Variants in NELL1 observed in about 807,000 individuals in gnomAD.
NELL1 encodes neural EGFL like 1, also known as protein kinase C-binding protein NELL1.
NELL1 carries 76 observed loss-of-function variants against 107.4 expected under a neutral mutation model. That is an observed-to-expected ratio of 0.71 (90% CI 0.59 to 0.86). The LOEUF is 0.86. Ranked by LOEUF, NELL1 falls within the 40% of genes least tolerant of loss-of-function variation. The probability of loss-of-function intolerance (pLI) is 0.00; values close to 1 mark genes in which losing one functional copy is unlikely to be tolerated. For missense variants in NELL1, 1,024 were observed against 1,005.5 expected (o/e 1.02, Z -0.25); for synonymous variants, 353 against 341.2 (o/e 1.03, Z -0.38).
intron 14 of NELL1, among the ~76,000 whole-genome samples, chr11:21,360,368 C>CA (rs1163141872): frequency 6.6e-6 from 1 of 152,044 alleles, no homozygotes; most frequent in Non-Finnish European, 1.5e-5. Context: ...GATATAATTT[C>CA]AATTTTTAAA....
chr11:21,489,929 G>C (rs1041715378), intron 15 of NELL1, among the ~76,000 whole-genome samples: 1 of 151,848 alleles, frequency 6.6e-6, no homozygotes, highest in Non-Finnish European at 1.5e-5. Context: ...ATTTATCATA[G>C]TACTGGGAGC....
At chr11:21,018,772 C>A (rs775654694) in intron 12 of NELL1, among the ~76,000 whole-genome samples, 1 of 152,044 alleles carries the variant, frequency 6.6e-6, no homozygotes, top group Non-Finnish European at 1.5e-5. Flanking sequence ...AAATTTTTAG[C>A]GAGTGGGTTT....
intron 2 of NELL1, among the ~76,000 whole-genome samples, chr11:20,682,107 G>A (rs1026070452): frequency 1.3e-5 from 2 of 151,688 alleles, no homozygotes; most frequent in Non-Finnish European, 2.9e-5. Context: ...ATATCTTTTG[G>A]GGCCCATTAT....
intron 14 of NELL1, among the ~76,000 whole-genome samples, chr11:21,348,472 G>A (rs1220493436): frequency 6.6e-6 from 1 of 152,112 alleles, no homozygotes; most frequent in Non-Finnish European, 1.5e-5. Context: ...TTAATAAAAT[G>A]TGTCTGGTGC....
intron 14 of NELL1, 105 bp downstream of exon 14, chr11:21,229,559 G>C: frequency 6.9e-7 from 1 of 1,449,866 alleles, no homozygotes; most frequent in Non-Finnish European, 9.5e-7. Flanking sequence ...ACACAGCCAG[G>C]GTTCCTGCTC....
At chr11:21,491,412 A>G (rs1854807267) in intron 15 of NELL1, among the ~76,000 whole-genome samples, 2 of 152,312 alleles carry the variant, frequency 1.3e-5, no homozygotes, top group South Asian at 2.1e-4. Context: ...AGCTCTCTAC[A>G]TATGGCTAGC....
intron 12 of NELL1, among the ~76,000 whole-genome samples, chr11:21,098,059 A>G (rs1197962388): frequency 6.6e-6 from 1 of 151,318 alleles, no homozygotes; most frequent in East Asian, 1.9e-4. Context: ...TGAAGTTTAC[A>G]CTCTAAAGAC....
At chr11:21,101,676 T>C (rs1854819592) in intron 12 of NELL1, among the ~76,000 whole-genome samples, 1 of 152,200 alleles carries the variant, frequency 6.6e-6, no homozygotes, top group East Asian at 1.9e-4. Context: ...GCCCACTTTT[T>C]GATGGGGTTG....
At chr11:21,147,375 T>A (rs886729914) in intron 13 of NELL1, among the ~76,000 whole-genome samples, 23 of 152,244 alleles carry the variant, frequency 1.5e-4, no homozygotes, top group African/African-American at 5.5e-4. Flanking sequence ...TACGAATAAA[T>A]ACTTCTGGGA....
At chr11:21,062,030 G>T (rs1853754608) in intron 12 of NELL1, among the ~76,000 whole-genome samples, 1 of 152,086 alleles carries the variant, frequency 6.6e-6, no homozygotes, top group South Asian at 2.1e-4. Flanking sequence ...CAACTGGTTG[G>T]TCTATTTTTC....
At chr11:21,274,271 G>T (rs540510775) in intron 14 of NELL1, among the ~76,000 whole-genome samples, 1 of 152,270 alleles carries the variant, frequency 6.6e-6, no homozygotes, top group East Asian at 1.9e-4. Flanking sequence ...TGATAAAACA[G>T]ACTTTAAACC....
chr11:21,075,715 G>C (rs1315658820), intron 12 of NELL1, among the ~76,000 whole-genome samples: 1 of 152,182 alleles, frequency 6.6e-6, no homozygotes, highest in African/African-American at 2.4e-5. Context: ...TTACAGGCGT[G>C]AGCCACCAGA....
intron 9 of NELL1, among the ~76,000 whole-genome samples, chr11:20,932,658 C>T (rs1850642711): frequency 1.3e-5 from 2 of 152,048 alleles, no homozygotes; most frequent in Non-Finnish European, 2.9e-5. Flanking sequence ...CGCTATTATC[C>T]CCATTTTACA....
rs140758952 is a variant in NELL1 at position 21,249,634 on chromosome 11, C to T, written c.1549+20180C>T. Among the ~76,000 whole-genome samples the T allele has an allele frequency of 1.1e-4, 16 of 152,186 alleles. No individual in the cohort carries two copies. In the East Asian group the frequency reaches 2.9e-3, roughly 28 times the overall value. On this transcript the variant is annotated intron_variant, in intron 14 of 19. Coordinates refer to ENST00000357134, the MANE Select transcript of NELL1 (RefSeq NM_006157.5). Reference sequence around the variant, plus strand: ...CAATATACTTAGTTTCCTTTATCTACGAAATGGTGCAATTCCAATTCAAAA... The same window carrying T: ...CAATATACTTAGTTTCCTTTATCTATGAAATGGTGCAATTCCAATTCAAAA...
chr11:20,973,085 A>G lies in NELL1; in HGVS notation c.1300+12525A>G, dbSNP rs185087532. Among the ~76,000 whole-genome samples the G allele has an allele frequency of 4.6e-5, 7 of 151,574 alleles. No homozygotes were observed. In the East Asian group the frequency reaches 1.4e-3, roughly 29 times the overall value. On this transcript the variant is annotated intron_variant, in intron 12 of 19. Transcript: ENST00000357134. ...TCAAACCTTATTAGAGTGCCTATCA[A>G]ACAGGATCTTCATTACTTTTTTTTT...
intron 12 of NELL1, among the ~76,000 whole-genome samples, chr11:20,998,419 TGAAGTTTCTTTTGCTAA>T (rs1852139025): frequency 2.6e-5 from 4 of 152,238 alleles, no homozygotes. Flanking sequence ...TTACCCCTTC[TGAAGTTTCTTTTGCTAA>T]GATATATTTT....
In NELL1 at chr11:21,487,690, G is replaced by T. The variant is rs78288708; in HGVS notation, c.1646-46684G>T. On this transcript the variant is annotated intron_variant, in intron 15 of 19. Transcript: ENST00000357134. ...ACCCTGACAGATCATTAATAACCTC[G>T]AATTTAAATGGATTAAATTCTGCAC... Among the ~76,000 whole-genome samples the T allele has an allele frequency of 1.2e-3, 182 of 152,094 alleles. 7 individuals are homozygous for T. The East Asian group carries it at 0.033, about 28-fold the overall frequency.
intron 15 of NELL1, among the ~76,000 whole-genome samples, chr11:21,405,229 C>G (rs1852206933): frequency 6.6e-6 from 1 of 151,962 alleles, no homozygotes; most frequent in South Asian, 2.1e-4. Flanking sequence ...TTCATTCTTT[C>G]CTCTTAGCTT....
intron 18 of NELL1, 113 bp downstream of exon 18, chr11:21,571,053 G>A: frequency 4.6e-6 from 4 of 870,384 alleles, no homozygotes; most frequent in Non-Finnish European, 7.2e-6. Context: ...AGGGAGCTCT[G>A]TGGGGCCTGT....
Sources: gnomAD v4.1 joint callset for allele counts (sites outside exome capture counted in the v4.1 genomes callset) on GRCh38, gnomAD v4.1.1 for gene constraint, MANE v1.5 for transcripts, NCBI Gene and HGNC (gene_info 2026-07-23, HGNC 2026-07-21) for gene names.